Variants in PCDHGB5 observed in about 807,000 individuals in gnomAD.
PCDHGB5 encodes protocadherin gamma-B5.
Under a neutral mutation model 62.9 loss-of-function variants are expected in PCDHGB5, and 48 were observed. That is an observed-to-expected ratio of 0.76 (90% CI 0.61 to 0.97). The LOEUF (loss-of-function observed/expected upper bound fraction) is 0.97, where lower values mean the gene tolerates loss of function less well. PCDHGB5 is among the 50% of genes least tolerant of loss of function. The pLI is 0.00. For synonymous variants in PCDHGB5, 474 were observed against 511.2 expected (o/e 0.93, Z 0.98); for missense variants, 1,118 against 1,198.6 (o/e 0.93, Z 0.99).
At chr5:141,450,653 A>AT (rs2098689237) in intron 1 of PCDHGB5, among the ~76,000 whole-genome samples, 1 of 151,192 alleles carries the variant, frequency 6.6e-6, no homozygotes, top group Non-Finnish European at 1.5e-5. Context: ...TGCCTGGCTA[A>AT]TTTTTGTACT....
At chr5:141,482,345 T>G (rs192115752) in intron 1 of PCDHGB5, among the ~76,000 whole-genome samples, 8 of 152,122 alleles carry the variant, frequency 5.3e-5, no homozygotes, top group Admixed American at 5.2e-4. Context: ...CTTTGCAAAC[T>G]TGTTGTGAGA....
chr5:141,414,283 G>A, intron 1 of PCDHGB5: 1 of 1,613,520 alleles, frequency 6.2e-7, no homozygotes, highest in South Asian at 1.1e-5. Flanking sequence ...GGGAACAGTC[G>A]TAGCCCTTTT....
rs1487711986 is a variant in PCDHGB5 at position 141,398,904 on chromosome 5, C to A, written c.777C>A (p.Thr259=). ...TTCGGGAAAACGTGCCACCAGGCAC[C>A]ACTGTGTTGCAAGTGTCAGCCACTG... is the stretch of plus-strand genomic sequence containing the variant. ...VSLRENVPPG[T]TVLQVSATDQ... Residue 259 remains threonine (T), a synonymous_variant, in exon 1 of 4, where the codon ACC becomes ACA. Transcript: ENST00000617380. 5 of 1,613,930 alleles carry A rather than the reference C, an allele frequency of 3.1e-6. No homozygotes were observed. The highest frequency in any genetic ancestry group is 3.4e-6 in the Non-Finnish European group (4 of 1,179,874).
At chr5:141,492,659 T>C (rs2099742881) in intron 1 of PCDHGB5, among the ~76,000 whole-genome samples, 1 of 152,182 alleles carries the variant, frequency 6.6e-6, no homozygotes, top group Non-Finnish European at 1.5e-5. Context: ...GTCCGGATGG[T>C]CCCGGGACTC....
chr5:141,490,181 G>T lies in PCDHGB5; in HGVS notation c.2398-4626G>T, dbSNP rs755899660. ...GGTCCCATAGACTTTGAGGAGTCAC[G>T]TTTCTATGAAATTCATGCAAGAGCC... is the stretch of plus-strand genomic sequence containing the variant. On this transcript the variant is annotated intron_variant, in intron 1 of 3. Coordinates refer to ENST00000617380, the MANE Select transcript of PCDHGB5 (RefSeq NM_018925.3). The surrounding 1 kb of genome is among the most constrained non-coding windows in gnomAD (Gnocchi z 5.4). The T allele has an allele frequency of 6.2e-7, 1 of 1,614,200 alleles. No individual in the cohort carries two copies. The highest frequency in any genetic ancestry group is 8.5e-7 in the Non-Finnish European group (1 of 1,180,030).
At chr5:141,464,300 A>T (rs1349155102) in intron 1 of PCDHGB5, among the ~76,000 whole-genome samples, 2 of 149,898 alleles carry the variant, frequency 1.3e-5, no homozygotes, top group African/African-American at 4.9e-5. Flanking sequence ...ACTCCATTGT[A>T]TGTGCACATA....
chr5:141,419,037 A>G, intron 1 of PCDHGB5: 1 of 1,613,972 alleles, frequency 6.2e-7, no homozygotes, highest in Middle Eastern at 1.6e-4. Flanking sequence ...GTTCCATTTA[A>G]GATTCATTCT....
In PCDHGB5 at chr5:141,427,784, G is replaced by A. The variant is rs750188824; in HGVS notation, c.2397+27260G>A. 6.8e-6 allele frequency: 10 copies of A among 1,470,180 alleles called. No homozygotes were observed. The Admixed American group carries it at 1.3e-4, about 20-fold the overall frequency. 91.1% of individuals were successfully genotyped at this position (1,470,180 alleles called of 1,614,324 possible). Reference sequence around the variant, plus strand: ...CTGACTTGGAGCTGCGGGCACTGTCGTCCTACGTGTCCGTGAGCGCACAGA... The same window carrying A: ...CTGACTTGGAGCTGCGGGCACTGTCATCCTACGTGTCCGTGAGCGCACAGA... On this transcript the variant is annotated intron_variant, in intron 1 of 3. Coordinates refer to ENST00000617380, the MANE Select transcript of PCDHGB5 (RefSeq NM_018925.3).
At chr5:141,403,875 A>T in intron 1 of PCDHGB5, 1 of 1,613,816 alleles carries the variant, frequency 6.2e-7, no homozygotes, top group Non-Finnish European at 8.5e-7. Flanking sequence ...AAAAGTCTAG[A>T]TTATGAAGAA....
chr5:141,460,467 AG>A (rs1303418429), intron 1 of PCDHGB5, among the ~76,000 whole-genome samples: 1 of 152,114 alleles, frequency 6.6e-6, no homozygotes, highest in African/African-American at 2.4e-5. Flanking sequence ...TTTTTTCCAA[AG>A]GAATATCCAA....
chr5:141,419,507 G>A (rs909984738), intron 1 of PCDHGB5: 2 of 1,612,198 alleles, frequency 1.2e-6, no homozygotes, highest in Non-Finnish European at 1.7e-6. Context: ...GAGCCTGCGC[G>A]TGTTGGTGGG....
At chr5:141,414,446 T>C in intron 1 of PCDHGB5, 1 of 1,613,864 alleles carries the variant, frequency 6.2e-7, no homozygotes, top group Non-Finnish European at 8.5e-7. Flanking sequence ...TCTTACAATA[T>C]CACAGTGACA....
Position 141,403,164 on chromosome 5 carries a change from G to A in PCDHGB5, c.2397+2640G>A, listed in dbSNP as rs11575960. The A allele has an allele frequency of 4.9e-3, 7,986 of 1,614,050 alleles. 45 individuals are homozygous for A. Among genetic ancestry groups the A allele is most frequent in the Admixed American group, 9.4e-3 (567 of 60,028 alleles). The stretch of plus-strand genomic sequence containing the variant: ...CGAGTCCGCATCGTCTCTAGAGGTA[G>A]GACGCAGCTTTTCTCTCTGAACCCG... On this transcript the variant is annotated intron_variant, in intron 1 of 3. Coordinates refer to ENST00000617380, the MANE Select transcript of PCDHGB5 (RefSeq NM_018925.3).
chr5:141,483,660 G>GTCTGTA (rs2099584988), intron 1 of PCDHGB5, among the ~76,000 whole-genome samples: 1 of 152,094 alleles, frequency 6.6e-6, no homozygotes, highest in Non-Finnish European at 1.5e-5. Context: ...GTGTGTGTGT[G>GTCTGTA]TGTGTGTGTA....
chr5:141,478,399 T>C, intron 1 of PCDHGB5: 1 of 1,613,514 alleles, frequency 6.2e-7, no homozygotes, highest in South Asian at 1.1e-5. Flanking sequence ...ATCAGGTGTA[T>C]CTCACCACGG....
Position 141,438,625 on chromosome 5 carries a change from TATATATATATACAC to T in PCDHGB5, c.2397+38103_2397+38116del, listed in dbSNP as rs1291649000. Among the ~76,000 whole-genome samples, 88 of 46,398 alleles carry T rather than the reference TATATATATATACAC, an allele frequency of 1.9e-3. 1 individual carries two copies. The highest frequency in any genetic ancestry group is 8.6e-3 in the African/African-American group (72 of 8,380). 30.4% of individuals were successfully genotyped at this position (46,398 alleles called of 152,430 possible). A position where few individuals can be genotyped will look rare whatever the true frequency, so the allele number is the denominator to read the frequency against. ...ATATATATATATATATATATATATATATATATATATACACACACACACACACATATATGTATATA... is the reference window on the plus strand; with the variant it reads ...ATATATATATATATATATATATATATACACACACACACATATATGTATATA... On this transcript the variant is annotated intron_variant, in intron 1 of 3. Transcript: ENST00000617380.
At chr5:141,410,701 A>C in intron 1 of PCDHGB5, 2 of 1,471,660 alleles carry the variant, frequency 1.4e-6, no homozygotes, top group Non-Finnish European at 9.1e-7. Context: ...TTATTTTCAT[A>C]TCTAGAATCA....
rs747671382 is a variant in PCDHGB5 at position 141,444,152 on chromosome 5, A to ATTTTTTTTTT, written c.2397+43655_2397+43664dup. 1.8e-4 allele frequency among the ~76,000 whole-genome samples: 6 copies of ATTTTTTTTTT among 33,898 alleles called. 2 individuals are homozygous for ATTTTTTTTTT. Among genetic ancestry groups the ATTTTTTTTTT allele is most frequent in the Non-Finnish European group, 3.1e-4 (6 of 19,312 alleles). The allele number at this position is 33,898 out of a possible 152,430, so 22.2% of individuals were successfully genotyped here. A position where few individuals can be genotyped will look rare whatever the true frequency, so the allele number is the denominator to read the frequency against. On this transcript the variant is annotated intron_variant, in intron 1 of 3. Coordinates refer to ENST00000617380, the MANE Select transcript of PCDHGB5 (RefSeq NM_018925.3). ...GATATGTGTCACTTGTGTGTACTGG[A>ATTTTTTTTTT]TTTTTTTTTTTTTTTTTTTTTTTTT...
In PCDHGB5 at chr5:141,476,012, T is replaced by C. The variant is rs2099383969; in HGVS notation, c.2398-18795T>C. The stretch of plus-strand genomic sequence containing the variant: ...CAAATCAACGGCATCCAGAAAGCCA[T>C]GTCGGACTCGGCGCCCAGCGCCCAA... On this transcript the variant is annotated intron_variant, in intron 1 of 3. Coordinates refer to ENST00000617380, the MANE Select transcript of PCDHGB5 (RefSeq NM_018925.3). This position sits in a 1 kb window ranked among gnomAD's most constrained non-coding sequence, Gnocchi z 7.6. 7.6e-7 allele frequency: 1 copy of C among 1,317,178 alleles called. No individual in the cohort carries two copies. The highest frequency in any genetic ancestry group is 1.4e-5 in the South Asian group (1 of 69,696). The allele number at this position is 1,317,178 out of a possible 1,614,324, so 81.6% of individuals were successfully genotyped here. A position where few individuals can be genotyped will look rare whatever the true frequency, so the allele number is the denominator to read the frequency against.
Sources: gnomAD v4.1 joint callset for allele counts (sites outside exome capture counted in the v4.1 genomes callset) on GRCh38, gnomAD v4.1.1 for gene constraint, Gnocchi (gnomAD v3.1) non-coding constraint, MANE v1.5 for transcripts, NCBI Gene and HGNC (gene_info 2026-07-23, HGNC 2026-07-21) for gene names.